The following TMCO5A variants were observed in gnomAD, a reference collection of about 807,000 sequenced individuals.
The protein encoded by TMCO5A is transmembrane and coiled-coil domains 5A, also known as transmembrane and coiled-coil domain-containing protein 5A.
A neutral mutation model predicts 42.3 loss-of-function variants in TMCO5A; 34 were observed. The observed-to-expected ratio is 0.80, with a 90% CI of 0.61 to 1.07. TMCO5A has a LOEUF of 1.07. TMCO5A is among the 50% of genes least tolerant of loss of function. The pLI, the probability that TMCO5A is intolerant of heterozygous loss-of-function variation, is 0.00. For synonymous variants in TMCO5A, 131 were observed against 115.6 expected (o/e 1.13, Z -0.86); for missense variants, 357 against 327.9 (o/e 1.09, Z -0.69).
the TMCO5A span, among the ~76,000 whole-genome samples, chr15:38,034,519 A>C: frequency 0.03 from 4,584 of 152,242 alleles, 254 homozygotes; most frequent in African/African-American, 0.11. Context: ...CGAAACGATG[A>C]ATTTTAACTT....
chr15:37,972,453 T>G (rs1890692926), downstream of TMCO5A, among the ~76,000 whole-genome samples: 1 of 152,172 alleles, frequency 6.6e-6, no homozygotes, highest in Non-Finnish European at 1.5e-5. Context: ...TTTGTTATTT[T>G]TTGAGTTTTT....
chr15:37,984,017 C>G, the TMCO5A span, among the ~76,000 whole-genome samples: 1 of 152,138 alleles, frequency 6.6e-6, no homozygotes, highest in Non-Finnish European at 1.5e-5. Context: ...GTCAACTACA[C>G]TTATGTCTTC....
At chr15:37,995,797 ATTGCGT>A in the TMCO5A span, among the ~76,000 whole-genome samples, 2 of 151,870 alleles carry the variant, frequency 1.3e-5, no homozygotes, top group Non-Finnish European at 2.9e-5. Flanking sequence ...AAATAACAAA[ATTGCGT>A]TTCCAGAGGT....
the TMCO5A span, among the ~76,000 whole-genome samples, chr15:38,026,286 G>A: frequency 6.6e-6 from 1 of 152,158 alleles, no homozygotes; most frequent in Non-Finnish European, 1.5e-5. Context: ...TCCAGGCTGA[G>A]GTGGTCTCAA....
the TMCO5A span, among the ~76,000 whole-genome samples, chr15:37,975,863 G>A: frequency 6.6e-6 from 1 of 151,180 alleles, no homozygotes; most frequent in Non-Finnish European, 1.5e-5. Context: ...GACAATATTA[G>A]TCTTTCCTTT....
intron 10 of TMCO5A, among the ~76,000 whole-genome samples, 177 bp from the exon 11 acceptor site, chr15:37,947,476 TAAC>T (rs1283583112): frequency 6.6e-6 from 1 of 152,014 alleles, no homozygotes; most frequent in Non-Finnish European, 1.5e-5. Context: ...GTAGGACAAA[TAAC>T]AATAATAATA....
the TMCO5A span, chr15:38,020,346 A>C: frequency 6.6e-6 from 1 of 152,182 alleles, no homozygotes; most frequent in African/African-American, 2.4e-5. Context: ...GGAGGAAAGA[A>C]ATAACTTCAT....
At chr15:37,946,629 A>T (rs145325137) in intron 10 of TMCO5A, among the ~76,000 whole-genome samples, 12 of 151,926 alleles carry the variant, frequency 7.9e-5, no homozygotes, top group Admixed American at 3.3e-4. Flanking sequence ...AGCAACTGTG[A>T]ATGGGAGTTC....
At chr15:38,015,881 A>C in the TMCO5A span, among the ~76,000 whole-genome samples, 3 of 152,364 alleles carry the variant, frequency 2.0e-5, no homozygotes, top group East Asian at 5.8e-4. Flanking sequence ...AAGTAAAAGC[A>C]TCAGTGGCTG....
At chr15:38,037,219 G>A in the TMCO5A span, among the ~76,000 whole-genome samples, 1 of 152,176 alleles carries the variant, frequency 6.6e-6, no homozygotes, top group Non-Finnish European at 1.5e-5. Flanking sequence ...ATGACTTAGT[G>A]CAGCCTATAT....
chr15:37,973,624 G>C, the TMCO5A span, among the ~76,000 whole-genome samples: 1 of 152,130 alleles, frequency 6.6e-6, no homozygotes, highest in Non-Finnish European at 1.5e-5. Flanking sequence ...TTTGTATCCT[G>C]AAACTTTGCT....
chr15:37,963,407 C>G (rs1042039573), intron 11 of TMCO5A, among the ~76,000 whole-genome samples: 3 of 152,042 alleles, frequency 2.0e-5, no homozygotes, highest in African/African-American at 7.2e-5. Context: ...CCACTGTGGT[C>G]TGAGAGAGTG....
Position 37,937,415 on chromosome 15 carries a change from G to A in TMCO5A, c.315+19G>A, listed in dbSNP as rs1160554843. 2.5e-6 allele frequency: 4 copies of A among 1,612,662 alleles called. No individual in the cohort carries two copies. Among genetic ancestry groups the A allele is most frequent in the Admixed American group, 1.7e-5 (1 of 59,890 alleles). On this transcript the variant is annotated intron_variant, in intron 5 of 11. Coordinates refer to ENST00000319669, the MANE Select transcript of TMCO5A (RefSeq NM_152453.4). ...ACAAAAGGTGAGGTAGGGTACTTGT[G>A]TTCTCCAGTGCCCCCACAACAGCCC... is the stretch of plus-strand genomic sequence containing the variant.
chr15:38,038,888 C>G, the TMCO5A span, among the ~76,000 whole-genome samples: 1 of 152,202 alleles, frequency 6.6e-6, no homozygotes, highest in South Asian at 2.1e-4. Context: ...ATATTAGTTA[C>G]TGCACACTGA....
chr15:37,982,790 C>T, the TMCO5A span, among the ~76,000 whole-genome samples: 1 of 144,758 alleles, frequency 6.9e-6, no homozygotes, highest in Non-Finnish European at 1.5e-5. Context: ...ATATAACAGA[C>T]ATATATAATA....
intron 11 of TMCO5A, among the ~76,000 whole-genome samples, chr15:37,966,181 G>A (rs1400391159): frequency 6.6e-6 from 1 of 152,044 alleles, no homozygotes; most frequent in Non-Finnish European, 1.5e-5. Flanking sequence ...TCATTTATTT[G>A]TGAAACCTAA....
At chr15:38,020,727 A>AT in the TMCO5A span, among the ~76,000 whole-genome samples, 1 of 152,162 alleles carries the variant, frequency 6.6e-6, no homozygotes, top group Non-Finnish European at 1.5e-5. Context: ...AAATATATAT[A>AT]ATTTTATTTG....
At chr15:38,028,501 G>C in the TMCO5A span, among the ~76,000 whole-genome samples, 1 of 152,192 alleles carries the variant, frequency 6.6e-6, no homozygotes, top group Non-Finnish European at 1.5e-5. Flanking sequence ...TGGTGCTGAT[G>C]TTCCATTCAA....
intron 11 of TMCO5A, among the ~76,000 whole-genome samples, chr15:37,950,484 C>G (rs1286108298): frequency 5.3e-5 from 8 of 152,050 alleles, no homozygotes; most frequent in Non-Finnish European, 1.0e-4. Flanking sequence ...ATGAAACAAA[C>G]TCTTACAAAT....
Sources: allele counts gnomAD v4.1 joint callset (sites outside exome capture counted in the v4.1 genomes callset), GRCh38; gene constraint gnomAD v4.1.1; transcripts MANE v1.5; gene names NCBI Gene and HGNC (gene_info 2026-07-23, HGNC 2026-07-21).